The following VIT variants were observed in gnomAD, a reference collection of about 807,000 sequenced individuals.
The protein encoded by VIT is vitrin.
VIT carries 99 observed loss-of-function variants against 78.0 expected under a neutral mutation model. The observed-to-expected ratio is 1.27, with a 90% CI of 1.08 to 1.50. The LOEUF is 1.50. VIT is among the 40% of genes most tolerant of loss of function. The probability of loss-of-function intolerance (pLI) is 0.00; values close to 1 mark genes in which losing one functional copy is unlikely to be tolerated. For synonymous variants in VIT, 374 were observed against 334.3 expected, an observed-to-expected ratio of 1.12 and a Z score of -1.29; for missense variants, 1,126 against 875.3, an observed-to-expected ratio of 1.29 and a Z score of -3.61.
At chr2:36,813,576 C>G (rs1309054518) in intron 15 of VIT, among the ~76,000 whole-genome samples, 5 of 152,162 alleles carry the variant, frequency 3.3e-5, no homozygotes, top group African/African-American at 7.2e-5. Context: ...AATGTTGGAA[C>G]ACATGCTGGG....
chr2:36,778,545 G>T (rs1670207696), intron 9 of VIT, among the ~76,000 whole-genome samples: 1 of 152,292 alleles, frequency 6.6e-6, no homozygotes, highest in South Asian at 2.1e-4. Context: ...AGGCTGCCAG[G>T]TTTCCCAAAA....
chr2:36,760,426 T>C (rs1410876750), intron 6 of VIT, among the ~76,000 whole-genome samples: 2 of 152,212 alleles, frequency 1.3e-5, no homozygotes, highest in Admixed American at 6.5e-5. Context: ...CTTTAATTAC[T>C]TTTTAATGGA....
Position 36,814,265 on chromosome 2 carries a change from C to CTCCT in VIT, c.1989_1992dup (p.Phe665LeufsTer7). ...TTGCCACTCACCCCGCCAGAGACCA[C>CTCCT]TCCTTCTTTGTGGACGAGTTTGACA... On this transcript the variant is annotated frameshift_variant, in exon 16 of 16. Coordinates refer to ENST00000379242, the MANE Select transcript of VIT (RefSeq NM_053276.4). LOFTEE classifies it high-confidence loss of function. 4 of 1,614,254 alleles carry CTCCT rather than the reference C, an allele frequency of 2.5e-6. No individual in the cohort carries two copies. The highest frequency in any genetic ancestry group is 3.4e-6 in the Non-Finnish European group (4 of 1,180,044).
chr2:36,807,663 C>G (rs187350327), intron 14 of VIT, among the ~76,000 whole-genome samples: 1 of 152,192 alleles, frequency 6.6e-6, no homozygotes, highest in Non-Finnish European at 1.5e-5. Context: ...AGAAACACCA[C>G]GCCTTGGGAA....
intron 3 of VIT, among the ~76,000 whole-genome samples, chr2:36,742,212 T>C (rs1180132868): frequency 1.3e-5 from 2 of 152,126 alleles, no homozygotes; most frequent in Non-Finnish European, 2.9e-5. Flanking sequence ...TGCAGGGAAA[T>C]TGCAGTCCTA....
intron 4 of VIT, among the ~76,000 whole-genome samples, chr2:36,748,512 G>C (rs541955285): frequency 6.6e-6 from 1 of 152,156 alleles, no homozygotes; most frequent in African/African-American, 2.4e-5. Flanking sequence ...TCTTTCCTCA[G>C]CTTGATCTAC....
chr2:36,729,115 A>G (rs1667038949), intron 2 of VIT, among the ~76,000 whole-genome samples: 1 of 152,226 alleles, frequency 6.6e-6, no homozygotes, highest in Non-Finnish European at 1.5e-5. Context: ...TGTTTACAGT[A>G]TTCAGTACAG....
In VIT at chr2:36,783,553, G is replaced by A. The variant is rs886773581; in HGVS notation, c.910+151G>A. 8 of 753,788 alleles carry A rather than the reference G, an allele frequency of 1.1e-5. No individual in the cohort carries two copies. The East Asian group carries it at 1.4e-4, about 13-fold the overall frequency. The allele number at this position is 753,788 out of a possible 1,614,324, so 46.7% of individuals were successfully genotyped here. On this transcript the variant is annotated intron_variant, in intron 11 of 15. Coordinates refer to ENST00000379242, the MANE Select transcript of VIT (RefSeq NM_053276.4). ...CTGACACCTTGTTCTAAGGGGAAAG[G>A]GAAGCTTTTGAAGGATATAAACTGT...
chr2:36,755,363 T>C (rs759670429), intron 5 of VIT, among the ~76,000 whole-genome samples: 15 of 152,296 alleles, frequency 9.8e-5, no homozygotes, highest in Non-Finnish European at 1.8e-4. Flanking sequence ...ACCAGTCCTT[T>C]AGTTATGCCA....
chr2:36,728,160 A>T (rs1175516035), intron 2 of VIT, among the ~76,000 whole-genome samples: 1 of 151,798 alleles, frequency 6.6e-6, no homozygotes, highest in African/African-American at 2.4e-5. Flanking sequence ...CAAACTCCTG[A>T]CCTCAGGCGA....
chr2:36,803,462 G>A (rs1165820115), intron 13 of VIT, among the ~76,000 whole-genome samples: 1 of 152,206 alleles, frequency 6.6e-6, no homozygotes, highest in Non-Finnish European at 1.5e-5. Flanking sequence ...ATAAGGTTAG[G>A]TGGGGTTGAG....
rs577021108 is a variant in VIT at position 36,747,233 on chromosome 2, T to C, written c.275+3977T>C. On this transcript the variant is annotated intron_variant, in intron 4 of 15. Transcript: ENST00000379242. ...TTATAACTAAACATGTGGTCAATCA[T>C]AGAGTATGTTCTATGTGCAGATGAG... Among the ~76,000 whole-genome samples the C allele has an allele frequency of 2.6e-5, 4 of 152,310 alleles. No homozygotes were observed. In the South Asian group the frequency reaches 8.3e-4, roughly 32 times the overall value.
chr2:36,737,402 C>G (rs920806640), intron 3 of VIT, among the ~76,000 whole-genome samples: 2 of 152,088 alleles, frequency 1.3e-5, no homozygotes, highest in Non-Finnish European at 2.9e-5. Flanking sequence ...TGAGAGTTTT[C>G]TAAGCAGGAA....
chr2:36,739,750 G>A (rs949312075), intron 3 of VIT, among the ~76,000 whole-genome samples: 2 of 152,124 alleles, frequency 1.3e-5, no homozygotes, highest in African/African-American at 4.8e-5. Context: ...CGGTGGGTGG[G>A]TGGGGTCGCA....
intron 6 of VIT, among the ~76,000 whole-genome samples, chr2:36,763,584 T>C (rs992367802): frequency 1.5e-3 from 2 of 1,314 alleles, no homozygotes; most frequent in South Asian, 0.036. Context: ...CTATCTTCCC[T>C]TTTTTTTTTT....
intron 2 of VIT, 28 bp from the exon 3 acceptor site, chr2:36,729,398 T>C: frequency 1.3e-6 from 2 of 1,570,436 alleles, no homozygotes; most frequent in Non-Finnish European, 1.7e-6. Context: ...TAAAATTGAT[T>C]AAATTTTTAA....
chr2:36,737,231 A>T (rs1667561071), intron 3 of VIT, among the ~76,000 whole-genome samples: 1 of 152,180 alleles, frequency 6.6e-6, no homozygotes, highest in Admixed American at 6.5e-5. Context: ...CATACCATGG[A>T]AAACAAGTGG....
intron 6 of VIT, chr2:36,759,402 T>C: frequency 7.3e-7 from 1 of 1,361,630 alleles, no homozygotes; most frequent in East Asian, 3.0e-5. Flanking sequence ...CTGTATCTAC[T>C]TAGATATGAA....
chr2:36,720,370 G>A (rs1269506706), intron 2 of VIT, among the ~76,000 whole-genome samples: 3 of 152,146 alleles, frequency 2.0e-5, no homozygotes, highest in Non-Finnish European at 4.4e-5. Flanking sequence ...TAACAAAGGT[G>A]ACAAGAACAC....
Sources: allele counts gnomAD v4.1 joint callset (sites outside exome capture counted in the v4.1 genomes callset), GRCh38; gene constraint gnomAD v4.1.1; transcripts MANE v1.5; gene names NCBI Gene and HGNC (gene_info 2026-07-23, HGNC 2026-07-21).